CADM2: variants seen among roughly 807,000 people sequenced by gnomAD.
CADM2 encodes immunoglobulin superfamily member 4D.
CADM2 carries 12 observed loss-of-function variants against 49.8 expected under a neutral mutation model. The observed-to-expected ratio is 0.24, with a 90% CI of 0.15 to 0.39. The LOEUF (loss-of-function observed/expected upper bound fraction) is 0.39, where lower values mean the gene tolerates loss of function less well. CADM2 is among the 10% of genes least tolerant of loss of function. The pLI, the probability that CADM2 is intolerant of heterozygous loss-of-function variation, is 1.00. For synonymous variants in CADM2, 214 were observed against 175.4 expected, an observed-to-expected ratio of 1.22 and a Z score of -1.74; for missense variants, 378 against 492.3, an observed-to-expected ratio of 0.77 and a Z score of 2.20.
chr3:85,330,044 A>C (rs1379270308), intron 1 of CADM2, among the ~76,000 whole-genome samples: 3 of 152,186 alleles, frequency 2.0e-5, no homozygotes, highest in Non-Finnish European at 4.4e-5. Context: ...AGGATAATGT[A>C]GTTATTTTAA....
intron 5 of CADM2, among the ~76,000 whole-genome samples, chr3:85,907,080 C>A (rs1399734245): frequency 6.6e-6 from 1 of 152,154 alleles, no homozygotes; most frequent in Non-Finnish European, 1.5e-5. Context: ...ATGTCCAGTT[C>A]TCCACTGAGT....
At chr3:85,164,564 G>T (rs1334216573) in intron 1 of CADM2, among the ~76,000 whole-genome samples, 1 of 152,002 alleles carries the variant, frequency 6.6e-6, no homozygotes, top group East Asian at 1.9e-4. Context: ...TAAAGGCAAT[G>T]TTTCCTCCAA....
chr3:85,102,876 C>A (rs1310257949), intron 1 of CADM2, among the ~76,000 whole-genome samples: 3 of 152,234 alleles, frequency 2.0e-5, no homozygotes, highest in Non-Finnish European at 4.4e-5. Context: ...AAAGGGCACT[C>A]ATAAATATTT....
intron 1 of CADM2, among the ~76,000 whole-genome samples, chr3:85,106,635 G>A (rs1054339177): frequency 6.6e-6 from 1 of 152,014 alleles, no homozygotes; most frequent in Non-Finnish European, 1.5e-5. Context: ...CATCTAAACA[G>A]GAACTAATAA....
chr3:86,032,002 G>T (rs1416280665), intron 8 of CADM2, among the ~76,000 whole-genome samples: 1 of 151,646 alleles, frequency 6.6e-6, no homozygotes, highest in Non-Finnish European at 1.5e-5. Flanking sequence ...GATGTTGACG[G>T]ATCAAGAGTA....
At chr3:84,993,240 G>A (rs1339384837) in intron 1 of CADM2, among the ~76,000 whole-genome samples, 1 of 152,110 alleles carries the variant, frequency 6.6e-6, no homozygotes, top group Admixed American at 6.6e-5. Flanking sequence ...AAGTGTGTTA[G>A]CAAAAGGAGG....
At chr3:85,692,443 AAAAG>A (rs562371572) in intron 1 of CADM2, among the ~76,000 whole-genome samples, 169 of 152,342 alleles carry the variant, frequency 1.1e-3, no homozygotes, top group African/African-American at 3.4e-3. Context: ...GCCACTACAG[AAAAG>A]AAAGAAAGTC....
At chr3:85,367,933 T>A (rs551316366) in intron 1 of CADM2, among the ~76,000 whole-genome samples, 49 of 152,062 alleles carry the variant, frequency 3.2e-4, no homozygotes, top group Admixed American at 1.1e-3. Flanking sequence ...ACTGACAATA[T>A]GACCTTCTCA....
chr3:85,375,517 G>A (rs9876280), intron 1 of CADM2, among the ~76,000 whole-genome samples: 1 of 152,140 alleles, frequency 6.6e-6, no homozygotes, highest in African/African-American at 2.4e-5. Context: ...ATTATTACAA[G>A]TATGTAAAAA....
intron 1 of CADM2, among the ~76,000 whole-genome samples, chr3:85,119,490 G>T (rs1369316816): frequency 1.3e-5 from 2 of 152,016 alleles, no homozygotes; most frequent in East Asian, 3.9e-4. Flanking sequence ...GCTCCTTTTT[G>T]GTTCCATATG....
rs933090000 is a variant in CADM2 at position 86,071,798 on chromosome 3, C to T, written c.*5015C>T. ...AATATTATAACTTTATAAGAATAGTCCTTCTCCTGCCTATTTAATATTTCA... is the reference window on the plus strand; with the variant it reads ...AATATTATAACTTTATAAGAATAGTTCTTCTCCTGCCTATTTAATATTTCA... On this transcript the variant is annotated 3_prime_UTR_variant, in exon 10 of 10. Coordinates refer to ENST00000383699, the MANE Select transcript of CADM2 (RefSeq NM_001167675.2). 6.6e-6 allele frequency: 1 copy of T among 151,822 alleles called. No individual in the cohort carries two copies. The highest frequency in any genetic ancestry group is 1.5e-5 in the Non-Finnish European group (1 of 67,870). 9.4% of individuals were successfully genotyped at this position (151,822 alleles called of 1,614,324 possible).
intron 1 of CADM2, among the ~76,000 whole-genome samples, chr3:85,094,477 G>A (rs2037720203): frequency 6.6e-6 from 1 of 152,140 alleles, no homozygotes; most frequent in Admixed American, 6.6e-5. Context: ...GAAGTAAGAG[G>A]TGGTAAAGAG....
intron 2 of CADM2, among the ~76,000 whole-genome samples, chr3:85,739,495 T>A (rs2068288926): frequency 6.6e-6 from 1 of 152,176 alleles, no homozygotes; most frequent in South Asian, 2.1e-4. Flanking sequence ...AATGCAGAAT[T>A]CAGAATTAAC....
intron 8 of CADM2, among the ~76,000 whole-genome samples, chr3:85,988,787 C>G (rs1008036259): frequency 6.6e-6 from 1 of 152,022 alleles, no homozygotes; most frequent in Non-Finnish European, 1.5e-5. Context: ...ACTTATTTTT[C>G]ATCTTAGAAA....
intron 1 of CADM2, among the ~76,000 whole-genome samples, chr3:85,541,672 T>G (rs1254835458): frequency 6.8e-6 from 1 of 146,830 alleles, no homozygotes; most frequent in Non-Finnish European, 1.5e-5. Context: ...CAACAAAATC[T>G]GAATCTTGAA....
intron 1 of CADM2, among the ~76,000 whole-genome samples, chr3:85,084,237 T>C (rs2037287941): frequency 6.6e-6 from 1 of 152,204 alleles, no homozygotes; most frequent in African/African-American, 2.4e-5. Context: ...GAAGTATTTC[T>C]TTATGTATAC....
At chr3:85,925,884 T>A (rs1029258511) in intron 6 of CADM2, among the ~76,000 whole-genome samples, 2 of 152,088 alleles carry the variant, frequency 1.3e-5, no homozygotes, top group African/African-American at 4.8e-5. Flanking sequence ...ACGCCTGTAA[T>A]CCCAGCACTT....
rs59038758 is a variant in CADM2, at chr3:85,995,014, T to TAAAAAAAAAAAAAAAAAA, written c.970+33370_970+33387dup. 2.5e-4 allele frequency among the ~76,000 whole-genome samples: 21 copies of TAAAAAAAAAAAAAAAAAA among 83,006 alleles called. 1 individual carries two copies. The highest frequency in any genetic ancestry group is 4.6e-4 in the South Asian group (1 of 2,170). The allele number at this position is 83,006 out of a possible 152,430, so 54.5% of individuals were successfully genotyped here. On this transcript the variant is annotated intron_variant, in intron 8 of 9. Coordinates refer to ENST00000383699, the MANE Select transcript of CADM2 (RefSeq NM_001167675.2). ...GGGTTGCCACAAATCTTCGATTTGT[T>TAAAAAAAAAAAAAAAAAA]AAAAAAAAAAAAAAAAAAAATCATT...
chr3:85,437,289 A>G (rs924704205), intron 1 of CADM2, among the ~76,000 whole-genome samples: 2 of 152,152 alleles, frequency 1.3e-5, no homozygotes, highest in African/African-American at 4.8e-5. Flanking sequence ...AAGTTTTGGC[A>G]ATGATGAAAA....
Sources: gnomAD v4.1 joint callset for allele counts (sites outside exome capture counted in the v4.1 genomes callset) on GRCh38, gnomAD v4.1.1 for gene constraint, MANE v1.5 for transcripts, NCBI Gene and HGNC (gene_info 2026-07-23, HGNC 2026-07-21) for gene names.